Variants in PRRG1 observed in about 807,000 individuals in gnomAD.
PRRG1 encodes proline rich and Gla domain 1, also known as transmembrane gamma-carboxyglutamic acid protein 1.
A neutral mutation model predicts 11.8 loss-of-function variants in PRRG1; 5 were observed. That is an observed-to-expected ratio of 0.42 (90% CI 0.22 to 0.89). The LOEUF (loss-of-function observed/expected upper bound fraction) is 0.89. Among genes scored for constraint, PRRG1 ranks in the 40% least tolerant of loss-of-function variants. PRRG1 has a pLI of 0.28. For missense variants in PRRG1, 155 were observed against 166.1 expected, an observed-to-expected ratio of 0.93 and a Z score of 0.37; for synonymous variants, 66 against 60.4, an observed-to-expected ratio of 1.09 and a Z score of -0.43.
At chrX:37,433,927 G>A (rs1184198329) in intron 3 of PRRG1, among the ~76,000 whole-genome samples, 1 of 112,200 alleles carries the variant, frequency 8.9e-6, no homozygotes, top group East Asian at 2.8e-4. Flanking sequence ...GCCAGCCTTT[G>A]ATCTAGCAAA....
At position 37,372,947 on chromosome X, in the gene PRRG1, T is replaced by C. The variant is rs782713911; in HGVS notation, c.-42+23552T>C. On this transcript the variant is annotated intron_variant, in intron 1 of 3. Transcript: ENST00000378628. Reference sequence around the variant, plus strand: ...GTTTCAGGTCTTACCTTTAGGTCTTTAATCCATTATGAGTTGATTATTGTA... The same window carrying C: ...GTTTCAGGTCTTACCTTTAGGTCTTCAATCCATTATGAGTTGATTATTGTA... Among the ~76,000 whole-genome samples the C allele has an allele frequency of 4.4e-4, 50 of 112,705 alleles. No individual in the cohort carries two copies. In the Admixed American group the frequency reaches 4.6e-3, roughly 10 times the overall value.
chrX:37,407,408 A>T (rs1177737125), intron 2 of PRRG1, among the ~76,000 whole-genome samples: 1 of 112,275 alleles, frequency 8.9e-6, no homozygotes, highest in Non-Finnish European at 1.9e-5. Context: ...TTTACATTTT[A>T]TTAATTTTCA....
chrX:37,375,296 A>C (rs1556371801), intron 1 of PRRG1, among the ~76,000 whole-genome samples: 1 of 111,290 alleles, frequency 9.0e-6, no homozygotes, highest in Admixed American at 9.6e-5. Context: ...TAGGAAGGCT[A>C]AATGGGGACA....
At chrX:37,433,939 G>A (rs1260905077) in intron 3 of PRRG1, among the ~76,000 whole-genome samples, 1 of 112,273 alleles carries the variant, frequency 8.9e-6, no homozygotes, top group Non-Finnish European at 1.9e-5. Flanking sequence ...TCTAGCAAAT[G>A]TAAGTGAAGT....
intron 1 of PRRG1, among the ~76,000 whole-genome samples, chrX:37,376,252 AT>A (rs1254781836): frequency 7.7e-5 from 8 of 103,363 alleles, no homozygotes; most frequent in South Asian, 4.3e-4. Context: ...GACTACATCG[AT>A]TTTTTTTTTC....
intron 3 of PRRG1, among the ~76,000 whole-genome samples, chrX:37,430,973 G>C (rs944835213): frequency 8.9e-6 from 1 of 112,095 alleles, no homozygotes; most frequent in Non-Finnish European, 1.9e-5. Flanking sequence ...TTCTGCCATT[G>C]CAAGAATGTT....
chrX:37,384,835 C>T (rs1230210602), intron 1 of PRRG1, among the ~76,000 whole-genome samples: 1 of 111,790 alleles, frequency 8.9e-6, no homozygotes, highest in African/African-American at 3.3e-5. Context: ...ATAATTGAAA[C>T]TCTGCTGGGA....
At chrX:37,369,875 A>G (rs1930708881) in intron 1 of PRRG1, among the ~76,000 whole-genome samples, 2 of 110,967 alleles carry the variant, frequency 1.8e-5, no homozygotes, top group African/African-American at 6.6e-5. Context: ...CATGTAAGAC[A>G]TCCCTTTACT....
intron 2 of PRRG1, among the ~76,000 whole-genome samples, chrX:37,411,187 T>C (rs1197818716): frequency 2.7e-5 from 3 of 111,732 alleles, no homozygotes; most frequent in African/African-American, 9.7e-5. Flanking sequence ...AGCATTTACA[T>C]TGTATTAGGT....
Position 37,453,170 on chromosome X carries a change from A to G in PRRG1, c.206A>G (p.Gln69Arg), listed in dbSNP as rs1556396969. The change falls in exon 4 of 4, where the codon CAA becomes CGA. Residue 69 changes from glutamine to arginine, a missense_variant. Gln to Arg is a conservative substitution (Grantham distance 43). Transcript: ENST00000378628. ...EFWSTYTKAQ[Q>R]GESNRGSDWF... ...TGGAGCACCTACACAAAAGCGCAAC[A>G]AGGGGAGAGTAACCGAGGAAGTGAC... 4 of 1,208,392 alleles carry G rather than the reference A, an allele frequency of 3.3e-6. No individual in the cohort carries two copies. In the African/African-American group the frequency reaches 6.9e-5, roughly 21 times the overall value.
chrX:37,398,476 T>C (rs1931804151), intron 1 of PRRG1, among the ~76,000 whole-genome samples: 1 of 111,581 alleles, frequency 9.0e-6, no homozygotes, highest in South Asian at 3.8e-4. Flanking sequence ...CAAAAACCCA[T>C]CTGTATATCA....
rs1931470327 is a variant in PRRG1 at position 37,390,008 on chromosome X, G to A, written c.-41-16201G>A. Reference sequence around the variant, plus strand: ...AGGCTGCTATAACAAAATACTTTAGGTAATTTTTGAAAAACAAAAATTTAT... The same window carrying A: ...AGGCTGCTATAACAAAATACTTTAGATAATTTTTGAAAAACAAAAATTTAT... On this transcript the variant is annotated intron_variant, in intron 1 of 3. Transcript: ENST00000378628. Among the ~76,000 whole-genome samples the A allele has an allele frequency of 2.7e-5, 3 of 111,741 alleles. No homozygotes were observed. In the South Asian group the frequency reaches 1.1e-3, roughly 42 times the overall value.
At chrX:37,387,416 C>T (rs1252354874) in intron 1 of PRRG1, among the ~76,000 whole-genome samples, 1 of 111,643 alleles carries the variant, frequency 9.0e-6, no homozygotes, top group African/African-American at 3.3e-5. Context: ...AATTGGCTCA[C>T]GTTTCTACAG....
chrX:37,410,650 C>T (rs1932325701), intron 2 of PRRG1, among the ~76,000 whole-genome samples: 2 of 112,024 alleles, frequency 1.8e-5, no homozygotes, highest in African/African-American at 6.5e-5. Flanking sequence ...ATCCTCTGAG[C>T]AGCAGTGGTC....
At chrX:37,359,130 C>G (rs923055052) in intron 1 of PRRG1, among the ~76,000 whole-genome samples, 11 of 111,357 alleles carry the variant, frequency 9.9e-5, no homozygotes, top group Non-Finnish European at 1.5e-4. Flanking sequence ...TGTTTCCTTT[C>G]CTTGTCTTAT....
At position 37,453,662 on chromosome X, in the gene PRRG1, T is replaced by C. The variant is rs782101375; in HGVS notation, c.*41T>C. On this transcript the variant is annotated 3_prime_UTR_variant, in exon 4 of 4. Coordinates refer to ENST00000378628, the MANE Select transcript of PRRG1 (RefSeq NM_001142395.2). ...TTTACTCTAATCATTTTTAAAATAC[T>C]AATGGAAGAACTTTCTAGCACTTTA... 1.8e-6 allele frequency: 2 copies of C among 1,117,507 alleles called. No homozygotes were observed. Among genetic ancestry groups the C allele is most frequent in the Admixed American group, 6.1e-5 (2 of 32,997 alleles). The allele number at this position is 1,117,507 out of a possible 1,213,427, so 92.1% of individuals were successfully genotyped here.
chrX:37,393,653 G>A (rs1931618908), intron 1 of PRRG1, among the ~76,000 whole-genome samples: 1 of 111,239 alleles, frequency 9.0e-6, no homozygotes, highest in Non-Finnish European at 1.9e-5. Context: ...AAATCAAACT[G>A]AACTTCTTTA....
chrX:37,394,898 C>T (rs1178890397), intron 1 of PRRG1, among the ~76,000 whole-genome samples: 1 of 111,636 alleles, frequency 9.0e-6, no homozygotes, highest in Non-Finnish European at 1.9e-5. Flanking sequence ...TTATATCACT[C>T]TCTGTCTGAA....
chrX:37,424,348 A>G (rs918796224), intron 2 of PRRG1, among the ~76,000 whole-genome samples: 10 of 111,177 alleles, frequency 9.0e-5, no homozygotes. Flanking sequence ...ATGTAATTTT[A>G]TAGCCCTACC....
Sources: allele counts gnomAD v4.1 joint callset (sites outside exome capture counted in the v4.1 genomes callset), GRCh38; gene constraint gnomAD v4.1.1; transcripts MANE v1.5; gene names NCBI Gene and HGNC (gene_info 2026-07-23, HGNC 2026-07-21).